The following DLGAP1 variants were observed in gnomAD, a reference collection of about 807,000 sequenced individuals.
The protein encoded by DLGAP1 is disks large-associated protein 1.
A neutral mutation model predicts 90.8 loss-of-function variants in DLGAP1; 11 were observed. That is an observed-to-expected ratio of 0.12 (90% CI 0.08 to 0.20). DLGAP1 has a LOEUF of 0.20. DLGAP1 is among the 10% of genes least tolerant of loss of function. DLGAP1 has a pLI of 1.00. For synonymous variants in DLGAP1, 558 were observed against 540.7 expected, an observed-to-expected ratio of 1.03 and a Z score of -0.44; for missense variants, 1,050 against 1,333.8, an observed-to-expected ratio of 0.79 and a Z score of 3.31.
chr18:3,602,544 G>C (rs977435116), intron 7 of DLGAP1, among the ~76,000 whole-genome samples: 1 of 139,016 alleles, frequency 7.2e-6, no homozygotes, highest in Non-Finnish European at 1.5e-5. Context: ...GCAGGGAGCC[G>C]AGATCGCGCC....
chr18:4,317,645 A>C (rs1301798595), intron 1 of DLGAP1, among the ~76,000 whole-genome samples: 1 of 152,182 alleles, frequency 6.6e-6, no homozygotes, highest in Non-Finnish European at 1.5e-5. Flanking sequence ...ATTCACCCAG[A>C]AACTTGTTTC....
chr18:4,358,159 T>A (rs1251697945), intron 1 of DLGAP1, among the ~76,000 whole-genome samples: 1 of 152,156 alleles, frequency 6.6e-6, no homozygotes, highest in Non-Finnish European at 1.5e-5. Flanking sequence ...CGTGATTCCA[T>A]GAAGTCGATA....
intron 4 of DLGAP1, among the ~76,000 whole-genome samples, chr18:3,836,655 G>A (rs894065821): frequency 4.6e-5 from 7 of 152,284 alleles, no homozygotes; most frequent in African/African-American, 1.7e-4. Context: ...GGTAGCCGCT[G>A]ACCTAAAGGC....
At chr18:3,981,525 CAG>C (rs1304080188) in intron 3 of DLGAP1, among the ~76,000 whole-genome samples, 3 of 152,314 alleles carry the variant, frequency 2.0e-5, no homozygotes, top group Middle Eastern at 3.4e-3. Context: ...GAAGGAAGAG[CAG>C]AGTTTCTGGG....
chr18:3,800,765 A>C (rs2066251672), intron 5 of DLGAP1, among the ~76,000 whole-genome samples: 1 of 152,194 alleles, frequency 6.6e-6, no homozygotes, highest in African/African-American at 2.4e-5. Context: ...ATTATTTCTA[A>C]ATAAAAAAGA....
In DLGAP1 at chr18:4,343,255, T is replaced by C. The variant is rs373748686; in HGVS notation, c.-267+111751A>G. 2.2e-3 allele frequency among the ~76,000 whole-genome samples: 326 copies of C among 147,678 alleles called. 2 individuals carry two copies. Among genetic ancestry groups the C allele is most frequent in the African/African-American group, 7.0e-3 (282 of 40,044 alleles). On this transcript the variant is annotated intron_variant, in intron 1 of 12. Coordinates refer to ENST00000315677, the MANE Select transcript of DLGAP1 (RefSeq NM_004746.4). ...CCAGGAGGCAGAGCTTGCAGTGAGC[T>C]GAGATCGTGCCACTGCACTCCAGCC...
intron 2 of DLGAP1, among the ~76,000 whole-genome samples, chr18:4,134,696 C>T (rs182835354): frequency 1.3e-5 from 2 of 151,960 alleles, no homozygotes; most frequent in African/African-American, 4.8e-5. Context: ...CCAGTTAAAC[C>T]CCACAATAAA....
At chr18:3,553,683 G>A (rs962069030) in intron 9 of DLGAP1, among the ~76,000 whole-genome samples, 7 of 151,988 alleles carry the variant, frequency 4.6e-5, no homozygotes, top group Non-Finnish European at 8.8e-5. Context: ...ACAGATGTGC[G>A]CCATCATGCC....
At chr18:4,171,101 T>C (rs1041289730) in intron 1 of DLGAP1, among the ~76,000 whole-genome samples, 4 of 152,084 alleles carry the variant, frequency 2.6e-5, no homozygotes, top group Non-Finnish European at 5.9e-5. Flanking sequence ...AAAAAACTTT[T>C]AACCAACAAT....
intron 3 of DLGAP1, chr18:3,894,725 G>T (rs1032548599): frequency 6.6e-6 from 1 of 152,060 alleles, no homozygotes; most frequent in Non-Finnish European, 1.5e-5. Context: ...TCATGAATTT[G>T]CATGTCATCC....
chr18:4,274,275 T>TAAATA lies in DLGAP1; in HGVS notation c.-266-122989_-266-122988insTATTT, dbSNP rs534880383. On this transcript the variant is annotated intron_variant, in intron 1 of 12. Coordinates refer to ENST00000315677, the MANE Select transcript of DLGAP1 (RefSeq NM_004746.4). ...TTAATTTCTTCTTTGACCCGCTGGT[T>TAAATA]ATTTAAGAGTGTGTCATATAATTTC... is the stretch of plus-strand genomic sequence containing the variant. 9.9e-5 allele frequency among the ~76,000 whole-genome samples: 15 copies of TAAATA among 152,284 alleles called. No individual in the cohort carries two copies. The South Asian group carries it at 3.1e-3, about 32-fold the overall frequency.
chr18:3,680,952 A>G (rs919412963), intron 7 of DLGAP1, among the ~76,000 whole-genome samples: 2 of 152,190 alleles, frequency 1.3e-5, no homozygotes, highest in African/African-American at 2.4e-5. Flanking sequence ...TGAAAGATGA[A>G]GAAAGAAGGC....
At chr18:4,413,620 A>G (rs1218130483) in intron 1 of DLGAP1, among the ~76,000 whole-genome samples, 1 of 152,246 alleles carries the variant, frequency 6.6e-6, no homozygotes, top group Non-Finnish European at 1.5e-5. Flanking sequence ...GTCAGAAACC[A>G]AACACAAAAG....
chr18:4,260,463 G>T (rs541145190), intron 1 of DLGAP1, among the ~76,000 whole-genome samples: 27 of 152,260 alleles, frequency 1.8e-4, no homozygotes, highest in Non-Finnish European at 2.5e-4. Context: ...CTCAAGTTAA[G>T]TTTCACTTAT....
At position 3,711,708 on chromosome 18, in the gene DLGAP1, C is replaced by T. The variant is rs1319338908; in HGVS notation, c.1591+17427G>A. Among the ~76,000 whole-genome samples the T allele has an allele frequency of 6.6e-6, 1 of 152,094 alleles. No homozygotes were observed. The highest frequency in any genetic ancestry group is 1.5e-5 in the Non-Finnish European group (1 of 68,002). On this transcript the variant is annotated intron_variant, in intron 7 of 12. Coordinates refer to ENST00000315677, the MANE Select transcript of DLGAP1 (RefSeq NM_004746.4). The surrounding 1 kb of genome is among the most constrained non-coding windows in gnomAD (Gnocchi z 4.0). ...ATTAAAATATTAGCTGGCTCAGTGG[C>T]ACCACCTGTGGTCCCAGCTACTTGG...
At chr18:4,181,555 G>A (rs775053812) in intron 1 of DLGAP1, among the ~76,000 whole-genome samples, 3 of 152,246 alleles carry the variant, frequency 2.0e-5, no homozygotes, top group African/African-American at 4.8e-5. Flanking sequence ...ACTCTTATTC[G>A]TAACAAAACC....
intron 2 of DLGAP1, among the ~76,000 whole-genome samples, chr18:4,107,095 A>C (rs1048455822): frequency 2.6e-5 from 4 of 152,244 alleles, no homozygotes; most frequent in Non-Finnish European, 5.9e-5. Context: ...ACCCAATGCA[A>C]GTATTTGTTT....
At chr18:4,292,637 C>T (rs971303745) in intron 1 of DLGAP1, among the ~76,000 whole-genome samples, 1 of 152,076 alleles carries the variant, frequency 6.6e-6, no homozygotes, top group Non-Finnish European at 1.5e-5. Context: ...ATTTCTACAT[C>T]TTTAAAGCAA....
intron 3 of DLGAP1, among the ~76,000 whole-genome samples, chr18:3,883,108 G>A (rs943628646): frequency 2.0e-5 from 3 of 152,224 alleles, no homozygotes; most frequent in Non-Finnish European, 4.4e-5. Context: ...GCTGGGCATG[G>A]TGGCGGGAGC....
Sources: gnomAD v4.1 joint callset for allele counts (sites outside exome capture counted in the v4.1 genomes callset) on GRCh38, gnomAD v4.1.1 for gene constraint, Gnocchi (gnomAD v3.1) non-coding constraint, MANE v1.5 for transcripts, NCBI Gene and HGNC (gene_info 2026-07-23, HGNC 2026-07-21) for gene names.